SMCHD1: variants seen among roughly 807,000 people sequenced by gnomAD.
SMCHD1 encodes the protein structural maintenance of chromosomes flexible hinge domain-containing protein 1.
SMCHD1 carries 78 observed loss-of-function variants against 254.7 expected under a neutral mutation model. That is an observed-to-expected ratio of 0.31 (90% CI 0.26 to 0.37). SMCHD1 has a LOEUF of 0.37. Among genes scored for constraint, SMCHD1 ranks in the 10% least tolerant of loss-of-function variants. The probability of loss-of-function intolerance (pLI) is 1.00; values close to 1 mark genes in which losing one functional copy is unlikely to be tolerated. For synonymous variants in SMCHD1, 766 were observed against 794.9 expected (o/e 0.96, Z 0.61); for missense variants, 1,840 against 2,408.1 (o/e 0.76, Z 4.94).
chr18:2,798,231 C>G (rs968007770), intron 47 of SMCHD1, among the ~76,000 whole-genome samples: 2 of 149,920 alleles, frequency 1.3e-5, no homozygotes, highest in Non-Finnish European at 3.0e-5. Context: ...CCTCCCTCAT[C>G]ATGTTGCAAA....
At chr18:2,802,108 T>A (rs1460794450) in intron 47 of SMCHD1, among the ~76,000 whole-genome samples, 1 of 151,112 alleles carries the variant, frequency 6.6e-6, no homozygotes, top group Non-Finnish European at 1.5e-5. Flanking sequence ...TGTGTTCATC[T>A]CTACATGAAT....
chr18:2,726,371 A>G lies in SMCHD1; in HGVS notation c.2701-81A>G, dbSNP rs2075027379. ...ACAATGGTATGAAAATAAAACCAAA[A>G]TATAAATCAGAATTGATGTGATAAA... On this transcript the variant is annotated intron_variant, in intron 21 of 47. Coordinates refer to ENST00000320876, the MANE Select transcript of SMCHD1 (RefSeq NM_015295.3). The G allele has an allele frequency of 6.9e-6, 5 of 728,028 alleles. No homozygotes were observed. The South Asian group carries it at 1.0e-4, about 15-fold the overall frequency. 45.1% of individuals were successfully genotyped at this position (728,028 alleles called of 1,614,324 possible).
intron 37 of SMCHD1, among the ~76,000 whole-genome samples, chr18:2,767,584 CTTTTTTTTTTTT>C (rs397858216): frequency 0.03 from 2,638 of 89,306 alleles, 54 homozygotes; most frequent in Middle Eastern, 0.21. Context: ...AACCTATTTC[CTTTTTTTTTTTT>C]TTTTTTTTTT....
intron 29 of SMCHD1, among the ~76,000 whole-genome samples, chr18:2,744,669 T>G (rs1264720461): frequency 6.6e-6 from 1 of 152,236 alleles, no homozygotes; most frequent in Middle Eastern, 3.2e-3. Context: ...TTTTGAAGAA[T>G]AGTAATATAC....
At position 2,796,475 on chromosome 18, in the gene SMCHD1, C is replaced by T; in HGVS notation, c.5947C>T (p.Pro1983Ser). The T allele has an allele frequency of 6.2e-7, 1 of 1,604,744 alleles. No individual in the cohort carries two copies. Among genetic ancestry groups the T allele is most frequent in the East Asian group, 2.2e-5 (1 of 44,724 alleles). ...HSPKVETTDC[P>S]VPPKRMRREA... is the part of the protein sequence containing the mutation. Reference sequence around the variant, plus strand: ...ACCAAAGGTTGAGACGACAGATTGTCCAGTTCCTCCTAAAAGAATGAGACG... The same window carrying T: ...ACCAAAGGTTGAGACGACAGATTGTTCAGTTCCTCCTAAAAGAATGAGACG... The change falls in exon 47 of 48, where the codon CCA becomes TCA. Residue 1983 changes from proline to serine, a missense_variant. Coordinates refer to ENST00000320876, the MANE Select transcript of SMCHD1 (RefSeq NM_015295.3).
chr18:2,700,100 T>A (rs1197934986), intron 10 of SMCHD1, among the ~76,000 whole-genome samples: 1 of 152,256 alleles, frequency 6.6e-6, no homozygotes, highest in Admixed American at 6.5e-5. Flanking sequence ...ATTCACTAAT[T>A]TGTTCAAACT....
intron 5 of SMCHD1, among the ~76,000 whole-genome samples, chr18:2,678,208 CT>C (rs1555627930): frequency 1.9e-3 from 79 of 40,746 alleles, no homozygotes; most frequent in South Asian, 8.4e-3. Flanking sequence ...TCTTTTCTTT[CT>C]TTTCTTTCTT....
chr18:2,707,009 C>T (rs1356012435), intron 15 of SMCHD1, among the ~76,000 whole-genome samples: 3 of 152,102 alleles, frequency 2.0e-5, no homozygotes, highest in African/African-American at 4.8e-5. Flanking sequence ...TAAAAATCAT[C>T]AGCTCTCGTG....
At position 2,751,273 on chromosome 18, in the gene SMCHD1, G is replaced by T; in HGVS notation, c.4166-5G>T. The T allele has an allele frequency of 6.7e-7, 1 of 1,496,012 alleles. No homozygotes were observed. Among genetic ancestry groups the T allele is most frequent in the South Asian group, 1.2e-5 (1 of 83,668 alleles). The allele number at this position is 1,496,012 out of a possible 1,614,324, so 92.7% of individuals were successfully genotyped here. On this transcript the variant is annotated splice_region_variant and splice_polypyrimidine_tract_variant and intron_variant, in intron 32 of 47. Transcript: ENST00000320876. The stretch of plus-strand genomic sequence containing the variant: ...GAGATAATTTTTTAACGTTTACCAT[G>T]ACAGATTTTATGATTAGTGTTATTT...
intron 31 of SMCHD1, 49 bp from the exon 32 acceptor site, chr18:2,750,301 G>T: frequency 6.5e-7 from 1 of 1,545,192 alleles, no homozygotes; most frequent in East Asian, 2.3e-5. Context: ...AGAATTTTTA[G>T]GTTATTAACT....
chr18:2,684,381 C>T (rs1392366377), intron 5 of SMCHD1, among the ~76,000 whole-genome samples: 1 of 152,026 alleles, frequency 6.6e-6, no homozygotes, highest in Non-Finnish European at 1.5e-5. Context: ...TTGTTCATTT[C>T]CTGGTATCTT....
chr18:2,753,763 T>C (rs1231064649), intron 34 of SMCHD1, among the ~76,000 whole-genome samples: 1 of 152,102 alleles, frequency 6.6e-6, no homozygotes, highest in Non-Finnish European at 1.5e-5. Context: ...ACCAAGTTGC[T>C]CTGGCTAGTC....
intron 28 of SMCHD1, among the ~76,000 whole-genome samples, 184 bp from the exon 29 acceptor site, chr18:2,743,575 TCA>T (rs1431698716): frequency 6.6e-6 from 1 of 152,172 alleles, no homozygotes; most frequent in African/African-American, 2.4e-5. Flanking sequence ...AAGAAAAAAT[TCA>T]GTTTCTCCTC....
intron 42 of SMCHD1, 27 bp from the exon 43 acceptor site, chr18:2,777,779 A>G: frequency 7.8e-7 from 1 of 1,281,700 alleles, no homozygotes; most frequent in South Asian, 1.4e-5. Context: ...GTGCTTTAAT[A>G]TCTTTTTAAA....
intron 35 of SMCHD1, 87 bp from the exon 36 acceptor site, chr18:2,762,018 G>T: frequency 1.0e-6 from 1 of 998,746 alleles, no homozygotes; most frequent in Non-Finnish European, 1.5e-6. Flanking sequence ...ATTTTATTTA[G>T]TATGTGCCAT....
At chr18:2,715,444 C>CT (rs140437315) in intron 17 of SMCHD1, among the ~76,000 whole-genome samples, 1 of 151,942 alleles carries the variant, frequency 6.6e-6, no homozygotes, top group African/African-American at 2.4e-5. Flanking sequence ...TACAGAAGTT[C>CT]TTTTTTAAAA....
intron 47 of SMCHD1, among the ~76,000 whole-genome samples, chr18:2,798,315 C>T (rs1166059274): frequency 6.6e-6 from 1 of 152,164 alleles, no homozygotes; most frequent in East Asian, 1.9e-4. Context: ...TGTTCATGGG[C>T]ATGAGGTGTA....
Position 2,752,566 on chromosome 18 carries a change from C to T in SMCHD1, c.4346+14C>T. 2 of 1,499,982 alleles carry T rather than the reference C, an allele frequency of 1.3e-6. No individual in the cohort carries two copies. Among genetic ancestry groups the T allele is most frequent in the Non-Finnish European group, 1.9e-6 (2 of 1,078,450 alleles). 92.9% of individuals were successfully genotyped at this position (1,499,982 alleles called of 1,614,324 possible). A position where few individuals can be genotyped will look rare whatever the true frequency, so the allele number is the denominator to read the frequency against. The stretch of plus-strand genomic sequence containing the variant: ...CTTCTATTTCAGGTATTTCTCAAAA[C>T]ATTTCATATTTTGAATACATATCTT... On this transcript the variant is annotated intron_variant, in intron 34 of 47. Coordinates refer to ENST00000320876, the MANE Select transcript of SMCHD1 (RefSeq NM_015295.3).
chr18:2,698,163 G>A (rs2074322990), intron 10 of SMCHD1, 122 bp downstream of exon 10: 5 of 687,642 alleles, frequency 7.3e-6, no homozygotes, highest in Non-Finnish European at 1.2e-5. Flanking sequence ...TTTTTCTTAT[G>A]CAAGTCTTAG....
Sources: allele counts gnomAD v4.1 joint callset (sites outside exome capture counted in the v4.1 genomes callset), GRCh38; gene constraint gnomAD v4.1.1; transcripts MANE v1.5; gene names NCBI Gene and HGNC (gene_info 2026-07-23, HGNC 2026-07-21).